The following MAP4K5 variants were observed in gnomAD, a reference collection of about 807,000 sequenced individuals.
MAP4K5 encodes the protein mitogen-activated protein kinase kinase kinase kinase 5, also known as MAPK/ERK kinase kinase kinase 5.
In MAP4K5, 82 loss-of-function variants were observed where a neutral mutation model predicts 135.6. The ratio of observed to expected loss-of-function variants is 0.60; its 90% CI spans 0.51 to 0.73. The LOEUF (loss-of-function observed/expected upper bound fraction) is 0.73, where lower values mean the gene tolerates loss of function less well. Ranked by LOEUF, MAP4K5 falls within the 30% of genes least tolerant of loss-of-function variation. MAP4K5 has a pLI of 0.00. For missense variants in MAP4K5, 907 were observed against 1,010.9 expected (o/e 0.90, Z 1.39); for synonymous variants, 347 against 335.0 (o/e 1.04, Z -0.39).
At chr14:50,449,028 C>G in intron 14 of MAP4K5, 196 bp from the exon 15 acceptor site, 1 of 508,888 alleles carries the variant, frequency 2.0e-6, no homozygotes, top group South Asian at 2.9e-5. Flanking sequence ...TGGGATCTTC[C>G]TAACATCTCT....
chr14:50,505,724 C>T lies in MAP4K5; in HGVS notation c.109-867G>A, dbSNP rs535236944. Among the ~76,000 whole-genome samples, 3 of 152,106 alleles carry T rather than the reference C, an allele frequency of 2.0e-5. No homozygotes were observed. In the South Asian group the frequency reaches 6.2e-4, roughly 32 times the overall value. Reference sequence around the variant, plus strand: ...CTGTGCGAATTTTTACTGTCATCGACCTTGGATGTTAAAACCTTGGATGTT... The same window carrying T: ...CTGTGCGAATTTTTACTGTCATCGATCTTGGATGTTAAAACCTTGGATGTT... On this transcript the variant is annotated intron_variant, in intron 2 of 32. Coordinates refer to ENST00000682126, the MANE Select transcript of MAP4K5 (RefSeq NM_006575.6).
chr14:50,560,265 C>T (rs774458831), intron 1 of MAP4K5: 4 of 1,613,974 alleles, frequency 2.5e-6, no homozygotes, highest in Admixed American at 3.3e-5. Context: ...CCTGGACCAC[C>T]ATGGCCAAGA....
At chr14:50,464,495 G>A (rs912635198) in intron 11 of MAP4K5, among the ~76,000 whole-genome samples, 1 of 152,032 alleles carries the variant, frequency 6.6e-6, no homozygotes, top group African/African-American at 2.4e-5. Flanking sequence ...AGAGTTGGAC[G>A]GCACGAAAGG....
chr14:50,547,140 A>G (rs1487431063), intron 1 of MAP4K5, among the ~76,000 whole-genome samples: 1 of 152,180 alleles, frequency 6.6e-6, no homozygotes, highest in East Asian at 1.9e-4. Flanking sequence ...TTAACAGGAA[A>G]ATAAGTTAGA....
chr14:50,473,670 C>CCTCAG (rs1212239628), intron 9 of MAP4K5, among the ~76,000 whole-genome samples: 2 of 150,954 alleles, frequency 1.3e-5, no homozygotes, highest in East Asian at 3.9e-4. Context: ...AGAAAGCCTT[C>CCTCAG]CTCAGCTCTT....
rs201501326 is a variant in MAP4K5 at position 50,428,676 on chromosome 14, C to A, written c.2312G>T (p.Arg771Leu). The A allele has an allele frequency of 7.3e-6, 11 of 1,510,814 alleles. No homozygotes were observed. Among genetic ancestry groups the A allele is most frequent in the Admixed American group, 2.5e-5 (1 of 39,542 alleles). The allele number at this position is 1,510,814 out of a possible 1,614,324, so 93.6% of individuals were successfully genotyped here. The change falls in exon 30 of 33, where the codon CGC (arginine) becomes CTC (leucine). Residue 771 changes from arginine to leucine, a missense_variant. Physicochemically the swap from Arg to Leu is moderately radical, Grantham distance 102 (BLOSUM62 -2). This residue lies in a region of MAP4K5 where 690 missense variants were observed against 777.4 expected (regional missense o/e 0.89). Transcript: ENST00000682126. ...KLASELSFDF[R>L]IESVVCLQDS... ...AGGAAACTTACCTACAGATTCAATGCGAAAATCAAAACTTAACTCAGAGGC... is the reference window on the plus strand; with the variant it reads ...AGGAAACTTACCTACAGATTCAATGAGAAAATCAAAACTTAACTCAGAGGC...
chr14:50,423,058 TATAATTAA>T (rs2035768095), intron 32 of MAP4K5, 55 bp downstream of exon 32: 1 of 726,282 alleles, frequency 1.4e-6, no homozygotes, highest in Non-Finnish European at 2.3e-6. Flanking sequence ...AGACTGACAG[TATAATTAA>T]GAGTATGATC....
Position 50,486,189 on chromosome 14 carries a change from C to T in MAP4K5, c.172G>A (p.Asp58Asn). ...VKIIKLEPGD[D>N]FSLIQQEIFM... ...ATTTCTTGTTGAATCAAAGAAAAATCATCTCCTGGAAAACAAAATAAGTTG... is the reference window on the plus strand; with the variant it reads ...ATTTCTTGTTGAATCAAAGAAAAATTATCTCCTGGAAAACAAAATAAGTTG... The change falls in exon 4 of 33, where the codon GAT (aspartate) becomes AAT (asparagine). Residue 58 changes from aspartate to asparagine, a missense_variant. Transcript: ENST00000682126. 8.6e-7 allele frequency: 1 copy of T among 1,157,064 alleles called. No individual in the cohort carries two copies. The highest frequency in any genetic ancestry group is 1.2e-6 in the Non-Finnish European group (1 of 810,200). The allele number at this position is 1,157,064 out of a possible 1,614,324, so 71.7% of individuals were successfully genotyped here.
At chr14:50,494,104 C>T (rs1189220370) in intron 3 of MAP4K5, among the ~76,000 whole-genome samples, 2 of 151,776 alleles carry the variant, frequency 1.3e-5, no homozygotes, top group East Asian at 3.8e-4. Context: ...TTAAAGATGA[C>T]ACAAATAAGT....
chr14:50,469,297 A>G (rs980294330), intron 9 of MAP4K5, among the ~76,000 whole-genome samples: 1 of 152,232 alleles, frequency 6.6e-6, no homozygotes, highest in Non-Finnish European at 1.5e-5. Context: ...ATGGAGAGTA[A>G]GCATTTATGC....
At chr14:50,508,330 A>G (rs1186319157) in intron 2 of MAP4K5, among the ~76,000 whole-genome samples, 1 of 152,168 alleles carries the variant, frequency 6.6e-6, no homozygotes, top group Non-Finnish European at 1.5e-5. Flanking sequence ...ATGTCCATCA[A>G]TGATAGACTG....
chr14:50,472,153 T>C (rs2036979135), intron 9 of MAP4K5: 1 of 140,326 alleles, frequency 7.1e-6, no homozygotes, highest in Admixed American at 7.2e-5. Flanking sequence ...AGAAACTCTA[T>C]GAAGGTAAAA....
chr14:50,484,134 G>C (rs986993490), intron 5 of MAP4K5, among the ~76,000 whole-genome samples: 1 of 151,842 alleles, frequency 6.6e-6, no homozygotes, highest in African/African-American at 2.4e-5. Context: ...TGAGAAGATA[G>C]CAATTCTTTA....
intron 2 of MAP4K5, among the ~76,000 whole-genome samples, chr14:50,531,420 G>T (rs1335616738): frequency 6.6e-6 from 1 of 152,138 alleles, no homozygotes; most frequent in African/African-American, 2.4e-5. Context: ...ACCAGGAAAA[G>T]CATCTTTTTA....
intron 21 of MAP4K5, among the ~76,000 whole-genome samples, chr14:50,441,218 A>G (rs2036219057): frequency 6.6e-6 from 1 of 152,200 alleles, no homozygotes. Flanking sequence ...TGGCAATAGT[A>G]TAATTATAAA....
At chr14:50,474,009 C>A (rs1356719218) in intron 9 of MAP4K5, among the ~76,000 whole-genome samples, 3 of 152,130 alleles carry the variant, frequency 2.0e-5, no homozygotes, top group Non-Finnish European at 4.4e-5. Context: ...CAGGTGTGAA[C>A]TTGACTATTT....
intron 3 of MAP4K5, 50 bp from the exon 4 acceptor site, chr14:50,486,244 T>C: frequency 1.5e-6 from 1 of 658,178 alleles, no homozygotes. Flanking sequence ...TCTCTACATA[T>C]GAAAAGAAGG....
At chr14:50,502,475 G>A (rs763789992) in intron 3 of MAP4K5, among the ~76,000 whole-genome samples, 13 of 152,040 alleles carry the variant, frequency 8.6e-5, no homozygotes, top group Non-Finnish European at 1.8e-4. Context: ...TCCCAATAGC[G>A]AGAAATACCA....
At chr14:50,497,368 A>G (rs2037617219) in intron 3 of MAP4K5, among the ~76,000 whole-genome samples, 1 of 152,244 alleles carries the variant, frequency 6.6e-6, no homozygotes, top group Admixed American at 6.5e-5. Context: ...AACATTTTCC[A>G]TTAATTCAGA....
Sources: gnomAD v4.1 joint callset for allele counts (sites outside exome capture counted in the v4.1 genomes callset) on GRCh38, gnomAD v4.1.1 for gene constraint, gnomAD v4.1.1 regional missense constraint, MANE v1.5 for transcripts, NCBI Gene and HGNC (gene_info 2026-07-23, HGNC 2026-07-21) for gene names.